The following ULK4 variants were observed in gnomAD, a reference collection of about 807,000 sequenced individuals.
The protein encoded by ULK4 is inactive serine/threonine-protein kinase ULK4.
Under a neutral mutation model 160.6 loss-of-function variants are expected in ULK4, and 133 were observed. That is an observed-to-expected ratio of 0.83 (90% CI 0.72 to 0.96). The LOEUF is 0.96. Ranked by LOEUF, ULK4 falls within the 40% of genes least tolerant of loss-of-function variation. ULK4 has a pLI of 0.00. For missense variants in ULK4, 1,580 were observed against 1,499.5 expected (o/e 1.05, Z -0.89); for synonymous variants, 534 against 539.8 (o/e 0.99, Z 0.15).
At chr3:41,730,355 G>C (rs1002355483) in intron 22 of ULK4, among the ~76,000 whole-genome samples, 1 of 151,964 alleles carries the variant, frequency 6.6e-6, no homozygotes, top group Admixed American at 6.6e-5. Context: ...AATAGAGTTC[G>C]TTCTTTGAAA....
At chr3:41,758,459 T>A (rs766839504) in intron 21 of ULK4, among the ~76,000 whole-genome samples, 12 of 152,312 alleles carry the variant, frequency 7.9e-5, no homozygotes, top group Non-Finnish European at 1.2e-4. Context: ...GTATAGACAG[T>A]ATACCTTAGG....
rs1340057882 is a variant in ULK4, at chr3:41,800,175, A to C, written c.1967T>G (p.Phe656Cys). Residue 656 changes from phenylalanine (F) to cysteine (C), a missense_variant, in exon 20 of 37, where the codon TTC (phenylalanine) becomes TGC (cysteine). Transcript: ENST00000301831. ...GEIGPILWYL[F>C]RHSTADSLRI... ...AAGAGAATCAGCAGTGGAGTGTCTG[A>C]ATAGGTACCACAAAATGGGTCCTAT... 6.2e-7 allele frequency: 1 copy of C among 1,613,824 alleles called. No individual in the cohort carries two copies. The highest frequency in any genetic ancestry group is 1.1e-5 in the South Asian group (1 of 91,030).
intron 19 of ULK4, among the ~76,000 whole-genome samples, chr3:41,802,915 C>T (rs945121366): frequency 2.0e-5 from 3 of 152,054 alleles, no homozygotes; most frequent in Non-Finnish European, 4.4e-5. Flanking sequence ...GCCTGTAATC[C>T]CAGCACTTTG....
At chr3:41,588,799 A>G (rs1416139824) in intron 31 of ULK4, among the ~76,000 whole-genome samples, 2 of 152,196 alleles carry the variant, frequency 1.3e-5, no homozygotes, top group East Asian at 3.8e-4. Context: ...AAATTTAGGT[A>G]TGACAGTCAT....
chr3:41,457,365 G>A (rs9851470), intron 33 of ULK4, among the ~76,000 whole-genome samples: 9,489 of 152,176 alleles, frequency 0.062, 1,014 homozygotes, highest in African/African-American at 0.22. Flanking sequence ...ATAGTCATAC[G>A]TCATAGTCGC....
intron 21 of ULK4, 53 bp from the exon 22 acceptor site, chr3:41,754,541 T>C: frequency 6.4e-7 from 1 of 1,572,664 alleles, no homozygotes. Flanking sequence ...AATAGGGCAG[T>C]CTCAATTCTC....
intron 35 of ULK4, among the ~76,000 whole-genome samples, chr3:41,279,208 C>A (rs1381237796): frequency 1.2e-5 from 1 of 82,786 alleles, no homozygotes. Flanking sequence ...GACTGAAGAG[C>A]AAATTAATGA....
intron 32 of ULK4, among the ~76,000 whole-genome samples, chr3:41,465,815 G>T (rs893212014): frequency 2.6e-4 from 39 of 152,238 alleles, no homozygotes; most frequent in Admixed American, 1.9e-3. Context: ...TGTTAAAATT[G>T]ATCCATGGAT....
chr3:41,324,401 C>A (rs2125733949), intron 35 of ULK4, among the ~76,000 whole-genome samples: 1 of 152,176 alleles, frequency 6.6e-6, no homozygotes, highest in East Asian at 1.9e-4. Context: ...CAGAGCTATA[C>A]AAATGTCTGT....
intron 21 of ULK4, among the ~76,000 whole-genome samples, chr3:41,755,782 A>G (rs2038778150): frequency 6.6e-6 from 1 of 152,232 alleles, no homozygotes; most frequent in Non-Finnish European, 1.5e-5. Context: ...AAAGAACACT[A>G]TCGGGAGAAC....
chr3:41,691,456 C>G (rs2036294353), intron 27 of ULK4, among the ~76,000 whole-genome samples: 1 of 151,854 alleles, frequency 6.6e-6, no homozygotes, highest in Non-Finnish European at 1.5e-5. Flanking sequence ...CACTCCTGCT[C>G]TAAAACTTGC....
In ULK4 at chr3:41,319,701, T is replaced by G. The variant is rs2080212114; in HGVS notation, c.3679-70127A>C. ...GTGCCTGATACTTTTCTAAATACTT[T>G]ATATGTATTAATCTCATGTAATCCT... On this transcript the variant is annotated intron_variant, in intron 35 of 36. Coordinates refer to ENST00000301831, the MANE Select transcript of ULK4 (RefSeq NM_017886.4). 2.0e-5 allele frequency among the ~76,000 whole-genome samples: 3 copies of G among 152,248 alleles called. No homozygotes were observed. The South Asian group carries it at 6.2e-4, about 31-fold the overall frequency.
At chr3:41,267,369 C>T (rs371751057) in intron 35 of ULK4, among the ~76,000 whole-genome samples, 2 of 152,116 alleles carry the variant, frequency 1.3e-5, no homozygotes, top group African/African-American at 4.8e-5. Context: ...CTGCATAGTA[C>T]TCCATGGTGT....
At chr3:41,357,615 G>C (rs1273423624) in intron 35 of ULK4, among the ~76,000 whole-genome samples, 1 of 152,186 alleles carries the variant, frequency 6.6e-6, no homozygotes, top group Non-Finnish European at 1.5e-5. Context: ...ACTGCCATTT[G>C]TCGCACACCT....
At chr3:41,876,580 G>A (rs192666161) in intron 17 of ULK4, among the ~76,000 whole-genome samples, 42 of 152,250 alleles carry the variant, frequency 2.8e-4, no homozygotes, top group African/African-American at 1.0e-3. Context: ...ATCCAACAGA[G>A]AGCTTGCGCA....
chr3:41,843,463 C>T (rs1014456232), intron 17 of ULK4, among the ~76,000 whole-genome samples: 4 of 151,944 alleles, frequency 2.6e-5, no homozygotes, highest in South Asian at 2.1e-4. Context: ...TTCTGATGTT[C>T]GGATGTATTT....
In ULK4 at chr3:41,873,109, G is replaced by A. The variant is rs558656365; in HGVS notation, c.1656+10765C>T. 2.0e-5 allele frequency among the ~76,000 whole-genome samples: 3 copies of A among 152,178 alleles called. No homozygotes were observed. In the East Asian group the frequency reaches 5.8e-4, roughly 29 times the overall value. On this transcript the variant is annotated intron_variant, in intron 17 of 36. Transcript: ENST00000301831. ...AAAGGCTGCAGTGAGCCAAGATCAC[G>A]CCACTGCACTCCAGCCTGGCCGACA...
At chr3:41,797,545 G>A (rs1029121973) in intron 20 of ULK4, among the ~76,000 whole-genome samples, 1 of 152,314 alleles carries the variant, frequency 6.6e-6, no homozygotes, top group African/African-American at 2.4e-5. Flanking sequence ...TGTCAGACTG[G>A]AGGAGACTAA....
chr3:41,495,108 A>G (rs528039230), intron 32 of ULK4, among the ~76,000 whole-genome samples: 2 of 152,336 alleles, frequency 1.3e-5, no homozygotes, highest in South Asian at 2.1e-4. Context: ...ACCAAAAAAG[A>G]GCCTGCATCA....
Sources: allele counts gnomAD v4.1 joint callset (sites outside exome capture counted in the v4.1 genomes callset), GRCh38; gene constraint gnomAD v4.1.1; transcripts MANE v1.5; gene names NCBI Gene and HGNC (gene_info 2026-07-23, HGNC 2026-07-21).